THAP6: variants seen among roughly 807,000 people sequenced by gnomAD.
THAP6 encodes the protein THAP domain containing 6.
In THAP6, 13 loss-of-function variants were observed where a neutral mutation model predicts 20.0. The observed-to-expected ratio is 0.65, with a 90% confidence interval of 0.42 to 1.03. THAP6 has a LOEUF of 1.03. Ranked by LOEUF, THAP6 falls within the 50% of genes least tolerant of loss-of-function variation. The probability of loss-of-function intolerance (pLI) is 0.00; values close to 1 mark genes in which losing one functional copy is unlikely to be tolerated. For missense variants in THAP6, 262 were observed against 261.6 expected (o/e 1.00, Z -0.01); for synonymous variants, 93 against 92.2 (o/e 1.01, Z -0.05).
intron 4 of THAP6, among the ~76,000 whole-genome samples, chr4:75,523,122 T>G (rs1726135591): frequency 1.3e-5 from 2 of 152,210 alleles, no homozygotes; most frequent in South Asian, 4.1e-4. Flanking sequence ...GTTGCCTGTT[T>G]TAGGTATAAA....
chr4:75,531,668 A>G (rs1726683793), downstream of THAP6, among the ~76,000 whole-genome samples: 1 of 152,210 alleles, frequency 6.6e-6, no homozygotes, highest in Non-Finnish European at 1.5e-5. Context: ...TAATGGACTT[A>G]TAGTTCCACA....
At chr4:75,539,714 ACTT>A (rs1726954442) in intron 2 of THAP6, 1 of 1,273,914 alleles carries the variant, frequency 7.8e-7, no homozygotes, top group South Asian at 1.7e-5. Flanking sequence ...AACTTGCTGA[ACTT>A]CTCTGAGCAC....
chr4:75,530,362 G>C (rs1055805122), downstream of THAP6, among the ~76,000 whole-genome samples: 14 of 152,200 alleles, frequency 9.2e-5, no homozygotes, highest in African/African-American at 3.4e-4. Flanking sequence ...GAACATACAG[G>C]TTGTAAATAA....
At position 75,528,615 on chromosome 4, in the gene THAP6, A is replaced by G. The variant is rs1056141220; in HGVS notation, c.*1401A>G. 27 of 984,710 alleles carry G rather than the reference A, an allele frequency of 2.7e-5. No homozygotes were observed. Among genetic ancestry groups the G allele is most frequent in the Admixed American group, 6.1e-5 (1 of 16,262 alleles). The allele number at this position is 984,710 out of a possible 1,614,324, so 61.0% of individuals were successfully genotyped here. On this transcript the variant is annotated 3_prime_UTR_variant, in exon 5 of 5. Coordinates refer to ENST00000311638, the MANE Select transcript of THAP6 (RefSeq NM_144721.6). The stretch of plus-strand genomic sequence containing the variant: ...ATTTAAGAATTTTCTGTTTTAATGC[A>G]TGTTATACTTTTATGTAGGATTCCA...
chr4:75,519,825 G>C (rs1470005858), intron 3 of THAP6, among the ~76,000 whole-genome samples: 4 of 151,532 alleles, frequency 2.6e-5, no homozygotes, highest in African/African-American at 7.3e-5. Flanking sequence ...ATGATTTATA[G>C]TCCTTTGGGT....
At chr4:75,536,111 T>A (rs947749600) in intron 2 of THAP6, among the ~76,000 whole-genome samples, 43 of 152,202 alleles carry the variant, frequency 2.8e-4, no homozygotes, top group Admixed American at 2.1e-3. Flanking sequence ...AATAATTATA[T>A]TAAACACAAG....
At position 75,515,448 on chromosome 4, in the gene THAP6, C is replaced by A; in HGVS notation, c.-5C>A. Reference sequence around the variant, plus strand: ...TTTCTTTCAGTTTTGTTATGAGTTGCTAAAATGGTGAAATGCTGCTCCGCC... The same window carrying A: ...TTTCTTTCAGTTTTGTTATGAGTTGATAAAATGGTGAAATGCTGCTCCGCC... On this transcript the variant is annotated 5_prime_UTR_variant, in exon 2 of 5. The change creates a premature stop within an existing upstream ORF in the 5' untranslated region. Transcript: ENST00000311638. 1 of 1,613,214 alleles carries A rather than the reference C, an allele frequency of 6.2e-7. No individual in the cohort carries two copies. The highest frequency in any genetic ancestry group is 8.5e-7 in the Non-Finnish European group (1 of 1,179,250).
At chr4:75,530,173 C>T, downstream of THAP6, 1 of 654,870 alleles carries the variant, frequency 1.5e-6, no homozygotes, top group Non-Finnish European at 1.9e-6. Context: ...ACGTAGCAGG[C>T]CAGCTTTCAG....
intron 3 of THAP6, among the ~76,000 whole-genome samples, chr4:75,544,824 A>T (rs1166884763): frequency 2.6e-5 from 4 of 152,216 alleles, no homozygotes; most frequent in African/African-American, 7.2e-5. Flanking sequence ...CCTTGAAAAA[A>T]AATTAACCAA....
rs150566447 is a variant in THAP6 at position 75,527,092 on chromosome 4, T to A, written c.547T>A (p.Leu183Met). ...LDREKRFQKS[L>M]RKTIRELKDE... is the part of the protein sequence containing the mutation. Reference sequence around the variant, plus strand: ...CCGAGAAAAACGTTTTCAGAAATCATTGAGGAAGACAATCAGGGAATTAAA... The same window carrying A: ...CCGAGAAAAACGTTTTCAGAAATCAATGAGGAAGACAATCAGGGAATTAAA... Residue 183 changes from leucine (L) to methionine (M), a missense_variant, in exon 5 of 5, where the codon TTG (leucine) becomes ATG (methionine). Transcript: ENST00000311638. 2.5e-3 allele frequency: 4,069 copies of A among 1,614,066 alleles called. 8 individuals are homozygous for A. Among genetic ancestry groups the A allele is most frequent in the Non-Finnish European group, 3.2e-3 (3,736 of 1,179,980 alleles).
At chr4:75,544,100 A>G (rs1272124336) in intron 3 of THAP6, among the ~76,000 whole-genome samples, 1 of 152,158 alleles carries the variant, frequency 6.6e-6, no homozygotes, top group Non-Finnish European at 1.5e-5. Flanking sequence ...CACTTTTTAT[A>G]ATGGAAAGTT....
intron 2 of THAP6, among the ~76,000 whole-genome samples, chr4:75,535,729 T>TA (rs2148829132): frequency 6.6e-6 from 1 of 152,338 alleles, no homozygotes; most frequent in East Asian, 1.9e-4. Context: ...TACTTAGTAC[T>TA]AAGTACTAAG....
At chr4:75,517,210 G>A (rs972535472) in intron 3 of THAP6, 20 of 393,788 alleles carry the variant, frequency 5.1e-5, no homozygotes, top group Admixed American at 7.9e-5. Context: ...GAGAGATGGC[G>A]TTTCACCATC....
intron 2 of THAP6, chr4:75,539,853 T>C (rs1157189516): frequency 6.5e-7 from 1 of 1,535,706 alleles, no homozygotes; most frequent in East Asian, 2.4e-5. Flanking sequence ...TTCCATCCCA[T>C]CCCAGAAACA....
chr4:75,516,650 A>T, intron 2 of THAP6, 122 bp from the exon 3 acceptor site: 1 of 775,404 alleles, frequency 1.3e-6, no homozygotes, highest in Non-Finnish European at 2.0e-6. Flanking sequence ...TAAATATTAT[A>T]ATTCTCAAGA....
rs543568351 is a variant in THAP6 at position 75,529,423 on chromosome 4, A to G, written c.*2209A>G. 266 of 985,418 alleles carry G rather than the reference A, an allele frequency of 2.7e-4. 5 individuals carry two copies. The South Asian group carries it at 0.011, about 40-fold the overall frequency. The allele number at this position is 985,418 out of a possible 1,614,324, so 61.0% of individuals were successfully genotyped here. A position where few individuals can be genotyped will look rare whatever the true frequency, so the allele number is the denominator to read the frequency against. ...TCAGCACTTCTTTTTCACTGGACCT[A>G]GTATAACTGAGAAATAAATAACTGT... On this transcript the variant is annotated 3_prime_UTR_variant, in exon 5 of 5. Transcript: ENST00000311638.
chr4:75,544,671 CTG>C (rs907197110), intron 3 of THAP6: 1 of 151,622 alleles, frequency 6.6e-6, no homozygotes, highest in Non-Finnish European at 1.5e-5. Flanking sequence ...GCCTAGGACT[CTG>C]TTTTTTTTTT....
In THAP6 at chr4:75,527,731, C is replaced by T; in HGVS notation, c.*517C>T. 1 of 989,328 alleles carries T rather than the reference C, an allele frequency of 1.0e-6. No homozygotes were observed. 61.3% of individuals were successfully genotyped at this position (989,328 alleles called of 1,614,324 possible). ...ACCAAAGGATCTTTTTACAAGGCTT[C>T]CTGTGGTATTGACTCTGAGAATAAC... On this transcript the variant is annotated 3_prime_UTR_variant, in exon 5 of 5. Transcript: ENST00000311638.
At chr4:75,518,032 G>A (rs1464124416) in intron 3 of THAP6, among the ~76,000 whole-genome samples, 3 of 152,176 alleles carry the variant, frequency 2.0e-5, no homozygotes, top group Non-Finnish European at 4.4e-5. Context: ...TTCTGCAGTT[G>A]GTCATATTGT....
Sources: allele counts gnomAD v4.1 joint callset (sites outside exome capture counted in the v4.1 genomes callset), GRCh38; gene constraint gnomAD v4.1.1; transcripts MANE v1.5; gene names NCBI Gene and HGNC (gene_info 2026-07-23, HGNC 2026-07-21).